FNDC3B: variants seen among roughly 807,000 people sequenced by gnomAD.
FNDC3B encodes the protein fibronectin type III domain containing 3B, also known as fibronectin type III domain-containing protein 3B.
In FNDC3B, 12 loss-of-function variants were observed where a neutral mutation model predicts 151.5. The observed-to-expected ratio is 0.08, with a 90% CI of 0.05 to 0.13. The LOEUF (loss-of-function observed/expected upper bound fraction) is 0.13, where lower values mean the gene tolerates loss of function less well. FNDC3B is among the 10% of genes least tolerant of loss of function. The pLI, the probability that FNDC3B is intolerant of heterozygous loss-of-function variation, is 1.00. For synonymous variants in FNDC3B, 528 were observed against 549.0 expected, an observed-to-expected ratio of 0.96 and a Z score of 0.54; for missense variants, 1,214 against 1,505.3, an observed-to-expected ratio of 0.81 and a Z score of 3.20.
At chr3:172,219,154 A>G (rs544136158) in intron 3 of FNDC3B, among the ~76,000 whole-genome samples, 3 of 152,320 alleles carry the variant, frequency 2.0e-5, no homozygotes, top group South Asian at 4.1e-4. Flanking sequence ...CAGTTCTGCA[A>G]TTACTAACGT....
At position 172,359,125 on chromosome 3, in the gene FNDC3B, C is replaced by G. The variant is rs1233564591; in HGVS notation, c.2796-3508C>G. Among the ~76,000 whole-genome samples, 9 of 151,610 alleles carry G rather than the reference C, an allele frequency of 5.9e-5. No homozygotes were observed. In the South Asian group the frequency reaches 1.3e-3, roughly 21 times the overall value. On this transcript the variant is annotated intron_variant, in intron 22 of 25. Transcript: ENST00000415807. ...AAGATATAAAGAACCTAGTACTTAC[C>G]AAAATACTAGGGAGGCTTTGAGGAA...
chr3:172,168,795 C>T (rs1287041804), intron 3 of FNDC3B, among the ~76,000 whole-genome samples: 1 of 150,396 alleles, frequency 6.6e-6, no homozygotes, highest in Non-Finnish European at 1.5e-5. Flanking sequence ...TCACTGCAAC[C>T]TCCGCTTCCC....
intron 1 of FNDC3B, among the ~76,000 whole-genome samples, chr3:172,041,015 C>T (rs1410504521): frequency 6.6e-6 from 1 of 152,210 alleles, no homozygotes; most frequent in African/African-American, 2.4e-5. Flanking sequence ...CAGACAGTGC[C>T]GTTTGCAGAC....
At chr3:172,303,430 C>G (rs955386406) in intron 9 of FNDC3B, among the ~76,000 whole-genome samples, 4 of 152,148 alleles carry the variant, frequency 2.6e-5, no homozygotes, top group Non-Finnish European at 5.9e-5. Flanking sequence ...TTATAAAATA[C>G]ATGTTATTGA....
chr3:172,177,219 CAA>C (rs34286712), intron 3 of FNDC3B, among the ~76,000 whole-genome samples: 124,254 of 152,046 alleles, frequency 0.82, 51,485 homozygotes, highest in African/African-American at 0.95. Context: ...TTTGGCTGAC[CAA>C]AAAGAATCTT....
chr3:172,064,365 C>G (rs902104748), intron 1 of FNDC3B, among the ~76,000 whole-genome samples: 9 of 152,034 alleles, frequency 5.9e-5, no homozygotes, highest in African/African-American at 2.2e-4. Context: ...TTAAAGCAGA[C>G]CAGATGGACT....
chr3:172,318,371 A>C (rs1275529430), intron 11 of FNDC3B, among the ~76,000 whole-genome samples: 1 of 152,230 alleles, frequency 6.6e-6, no homozygotes, highest in Admixed American at 6.5e-5. Context: ...GGACTTCTGT[A>C]TCATTCAGGA....
intron 25 of FNDC3B, among the ~76,000 whole-genome samples, chr3:172,386,524 C>T (rs563901458): frequency 2.0e-5 from 3 of 152,204 alleles, no homozygotes; most frequent in Admixed American, 6.5e-5. Flanking sequence ...GGGCGGATCA[C>T]GAGGTCAGGA....
At chr3:172,310,978 C>T (rs1285940130) in intron 11 of FNDC3B, 97 bp downstream of exon 11, 1 of 891,056 alleles carries the variant, frequency 1.1e-6, no homozygotes, top group Non-Finnish European at 1.9e-6. Context: ...ACATGCTAAA[C>T]ACAGAAAAAA....
chr3:172,062,183 C>G (rs1410647621), intron 1 of FNDC3B, among the ~76,000 whole-genome samples: 1 of 152,116 alleles, frequency 6.6e-6, no homozygotes, highest in African/African-American at 2.4e-5. Flanking sequence ...CTCCTTACCC[C>G]TCAGCCCCCT....
intron 11 of FNDC3B, among the ~76,000 whole-genome samples, chr3:172,312,933 CTT>C (rs1348324904): frequency 1.3e-5 from 2 of 152,152 alleles, no homozygotes; most frequent in Non-Finnish European, 2.9e-5. Flanking sequence ...CGTCTGATGA[CTT>C]TTTATGTTCA....
At chr3:172,189,188 G>A (rs9882731) in intron 3 of FNDC3B, among the ~76,000 whole-genome samples, 1 of 152,086 alleles carries the variant, frequency 6.6e-6, no homozygotes, top group East Asian at 1.9e-4. Flanking sequence ...AAAAATGTAA[G>A]TTGCTTTCTA....
At chr3:172,175,877 T>A (rs907612025) in intron 3 of FNDC3B, among the ~76,000 whole-genome samples, 1 of 152,220 alleles carries the variant, frequency 6.6e-6, no homozygotes, top group Admixed American at 6.5e-5. Context: ...GTTTGCACTA[T>A]GTGGATGGAA....
In FNDC3B at chr3:172,198,048, A is replaced by G. The variant is rs1249828123; in HGVS notation, c.188-28823A>G. On this transcript the variant is annotated intron_variant, in intron 3 of 25. Coordinates refer to ENST00000415807, the MANE Select transcript of FNDC3B (RefSeq NM_022763.4). Reference sequence around the variant, plus strand: ...GTTTTGTTACAATTCAATGGGTTATATATAATACATTACTATTTTTTTAAT... The same window carrying G: ...GTTTTGTTACAATTCAATGGGTTATGTATAATACATTACTATTTTTTTAAT... 5.9e-5 allele frequency among the ~76,000 whole-genome samples: 9 copies of G among 152,378 alleles called. No homozygotes were observed. The East Asian group carries it at 1.5e-3, about 26-fold the overall frequency.
At chr3:172,043,196 C>G (rs1053317166) in intron 1 of FNDC3B, among the ~76,000 whole-genome samples, 1 of 152,210 alleles carries the variant, frequency 6.6e-6, no homozygotes, top group Non-Finnish European at 1.5e-5. Context: ...GAATTACAGG[C>G]GTGAGCCACC....
intron 4 of FNDC3B, among the ~76,000 whole-genome samples, chr3:172,236,043 G>A (rs1030356450): frequency 5.9e-5 from 9 of 152,164 alleles, no homozygotes; most frequent in Admixed American, 5.2e-4. Context: ...GCCATCAAAT[G>A]TCTACTTACT....
At chr3:172,078,956 A>C (rs1718156951) in intron 1 of FNDC3B, among the ~76,000 whole-genome samples, 1 of 152,204 alleles carries the variant, frequency 6.6e-6, no homozygotes, top group Non-Finnish European at 1.5e-5. Context: ...TAAAGAACAC[A>C]CTGATGACTT....
intron 2 of FNDC3B, among the ~76,000 whole-genome samples, chr3:172,131,630 C>T (rs537776383): frequency 3.3e-5 from 5 of 152,096 alleles, no homozygotes; most frequent in African/African-American, 1.2e-4. Flanking sequence ...CCTGAATGAT[C>T]CTGTTTTTTC....
rs150715929 is a variant in FNDC3B, at chr3:172,053,199, C to T, written c.-29+13428C>T. Among the ~76,000 whole-genome samples the T allele has an allele frequency of 1.0e-3, 153 of 152,146 alleles. 1 individual carries two copies. Among genetic ancestry groups the T allele is most frequent in the African/African-American group, 3.5e-3 (144 of 41,498 alleles). On this transcript the variant is annotated intron_variant, in intron 1 of 25. Transcript: ENST00000415807. Reference sequence around the variant, plus strand: ...TTCTGTAGGTGTTTCTAGTGTCCACCGCAGAAGCTGGTACATATTGAGTGC... The same window carrying T: ...TTCTGTAGGTGTTTCTAGTGTCCACTGCAGAAGCTGGTACATATTGAGTGC...
Sources: allele counts gnomAD v4.1 joint callset (sites outside exome capture counted in the v4.1 genomes callset), GRCh38; gene constraint gnomAD v4.1.1; transcripts MANE v1.5; gene names NCBI Gene and HGNC (gene_info 2026-07-23, HGNC 2026-07-21).